The following SLC4A4 variants were observed in gnomAD, a reference collection of about 807,000 sequenced individuals.
The protein encoded by SLC4A4 is solute carrier family 4 member 4.
A neutral mutation model predicts 111.5 loss-of-function variants in SLC4A4; 27 were observed. That is an observed-to-expected ratio of 0.24 (90% CI 0.18 to 0.33). The LOEUF (loss-of-function observed/expected upper bound fraction) is 0.33. Among genes scored for constraint, SLC4A4 ranks in the 10% least tolerant of loss-of-function variants. SLC4A4 has a pLI of 1.00. For synonymous variants in SLC4A4, 443 were observed against 463.4 expected (o/e 0.96, Z 0.57); for missense variants, 909 against 1,315.5 (o/e 0.69, Z 4.78).
intron 3 of SLC4A4, among the ~76,000 whole-genome samples, chr4:71,328,233 C>T (rs931463705): frequency 6.6e-6 from 1 of 152,072 alleles, no homozygotes; most frequent in Admixed American, 6.6e-5. Flanking sequence ...TCTGTTGATG[C>T]TCACTTAAGT....
chr4:71,123,780 A>G (rs1743493658), intron 2 of SLC4A4, among the ~76,000 whole-genome samples: 2 of 152,176 alleles, frequency 1.3e-5, no homozygotes, highest in Non-Finnish European at 2.9e-5. Context: ...TTTTTGCGCC[A>G]AATCATTCTA....
intron 6 of SLC4A4, among the ~76,000 whole-genome samples, chr4:71,394,061 T>C (rs1719562582): frequency 1.3e-5 from 2 of 152,142 alleles, no homozygotes; most frequent in African/African-American, 4.8e-5. Context: ...ATAAAAATTA[T>C]AGAAGATAAC....
At chr4:71,159,257 G>GT (rs1385386634) in intron 2 of SLC4A4, among the ~76,000 whole-genome samples, 7 of 152,092 alleles carry the variant, frequency 4.6e-5, no homozygotes, top group African/African-American at 1.7e-4. Context: ...AATTTTCAGG[G>GT]TTTTTTCAAT....
At chr4:71,400,321 T>A (rs1160976314) in intron 7 of SLC4A4, among the ~76,000 whole-genome samples, 1 of 152,180 alleles carries the variant, frequency 6.6e-6, no homozygotes, top group Non-Finnish European at 1.5e-5. Flanking sequence ...GTAGAAGAAA[T>A]ATGTGGAACA....
At chr4:71,076,173 A>G (rs1030279365) in intron 1 of SLC4A4, among the ~76,000 whole-genome samples, 1 of 152,106 alleles carries the variant, frequency 6.6e-6, no homozygotes, top group African/African-American at 2.4e-5. Flanking sequence ...CGAATTCCTC[A>G]GTGCTTAGAA....
chr4:71,193,386 C>T (rs927192791), intron 1 of SLC4A4, among the ~76,000 whole-genome samples: 3 of 152,200 alleles, frequency 2.0e-5, no homozygotes, highest in African/African-American at 4.8e-5. Flanking sequence ...GTCTCGATCT[C>T]CTGACCTCGT....
chr4:71,245,430 T>C (rs977779330), intron 2 of SLC4A4, among the ~76,000 whole-genome samples: 1 of 151,928 alleles, frequency 6.6e-6, no homozygotes, highest in African/African-American at 2.4e-5. Context: ...TGATTTTGGG[T>C]TGGACAAGAG....
intron 2 of SLC4A4, among the ~76,000 whole-genome samples, chr4:71,120,596 G>A (rs72648764): frequency 0.13 from 19,897 of 152,208 alleles, 1,440 homozygotes; most frequent in East Asian, 0.27. Context: ...AGCCAGATGC[G>A]GTGGCTTATG....
chr4:71,476,047 G>T (rs900600098), intron 14 of SLC4A4, among the ~76,000 whole-genome samples: 1 of 151,752 alleles, frequency 6.6e-6, no homozygotes, highest in Non-Finnish European at 1.5e-5. Context: ...TGAACATGAA[G>T]AATTTTTTAA....
chr4:71,278,956 A>C (rs1723288656), intron 3 of SLC4A4, among the ~76,000 whole-genome samples: 1 of 152,170 alleles, frequency 6.6e-6, no homozygotes, highest in Non-Finnish European at 1.5e-5. Flanking sequence ...ATAATTGACA[A>C]ATAAAAGCTG....
chr4:71,289,565 T>C (rs539059015), intron 3 of SLC4A4, among the ~76,000 whole-genome samples: 21 of 152,262 alleles, frequency 1.4e-4, no homozygotes, highest in South Asian at 4.1e-4. Flanking sequence ...ACTTGCAAAG[T>C]AACATATCAA....
chr4:71,144,655 T>C (rs1270694793), intron 2 of SLC4A4, among the ~76,000 whole-genome samples: 2 of 151,634 alleles, frequency 1.3e-5, no homozygotes, highest in Non-Finnish European at 2.9e-5. Context: ...CTTGAAGAGG[T>C]CCTTCACATC....
At chr4:71,289,354 T>C (rs1362281476) in intron 3 of SLC4A4, among the ~76,000 whole-genome samples, 1 of 152,224 alleles carries the variant, frequency 6.6e-6, no homozygotes, top group Non-Finnish European at 1.5e-5. Context: ...AATTATGACA[T>C]TGTCCAGCCA....
intron 18 of SLC4A4, among the ~76,000 whole-genome samples, chr4:71,538,734 G>A (rs188857439): frequency 6.6e-6 from 1 of 151,998 alleles, no homozygotes; most frequent in Non-Finnish European, 1.5e-5. Context: ...TTCTGCTTGG[G>A]ATGGGATCCA....
rs369176650 is a variant in SLC4A4, at chr4:71,118,030, C to T, written c.-2+25238C>T. Among the ~76,000 whole-genome samples, 8 of 152,048 alleles carry T rather than the reference C, an allele frequency of 5.3e-5. No homozygotes were observed. In the East Asian group the frequency reaches 1.4e-3, roughly 26 times the overall value. The stretch of plus-strand genomic sequence containing the variant: ...TAGCTGGGATTACAGGCATGCGCCA[C>T]CACGCCTGGCTAATTTTGTATTTTT... On this transcript the variant is annotated intron_variant, in intron 2 of 26. Coordinates refer to the SLC4A4 transcript ENST00000649996.
intron 1 of SLC4A4, among the ~76,000 whole-genome samples, chr4:71,068,384 T>C (rs1314779341): frequency 6.6e-6 from 1 of 151,722 alleles, no homozygotes; most frequent in Non-Finnish European, 1.5e-5. Context: ...TCAACAAACA[T>C]TTTAAAGTAT....
At chr4:71,214,810 C>G (rs1366700051) in intron 1 of SLC4A4, among the ~76,000 whole-genome samples, 3 of 152,202 alleles carry the variant, frequency 2.0e-5, no homozygotes, top group African/African-American at 4.8e-5. Flanking sequence ...CCCTGCCTGG[C>G]AGCTCCCAGG....
At chr4:71,427,650 T>C (rs768889571) in intron 7 of SLC4A4, among the ~76,000 whole-genome samples, 1 of 152,120 alleles carries the variant, frequency 6.6e-6, no homozygotes, top group Non-Finnish European at 1.5e-5. Context: ...ATAGTAGAGA[T>C]AATTTTATAC....
intron 7 of SLC4A4, among the ~76,000 whole-genome samples, chr4:71,411,158 T>C (rs1445197924): frequency 6.6e-6 from 1 of 152,192 alleles, no homozygotes; most frequent in Admixed American, 6.5e-5. Context: ...CCAAAGCAGA[T>C]GTGCCAGGTT....
Sources: allele counts gnomAD v4.1 joint callset (sites outside exome capture counted in the v4.1 genomes callset), GRCh38; gene constraint gnomAD v4.1.1; transcripts MANE v1.5; gene names NCBI Gene and HGNC (gene_info 2026-07-23, HGNC 2026-07-21).